CNIH4: variants seen among roughly 807,000 people sequenced by gnomAD.
CNIH4 encodes protein cornichon homolog 4.
A neutral mutation model predicts 21.5 loss-of-function variants in CNIH4; 9 were observed. That is an observed-to-expected ratio of 0.42 (90% CI 0.25 to 0.73). The LOEUF (loss-of-function observed/expected upper bound fraction) is 0.73. Among genes scored for constraint, CNIH4 ranks in the 30% least tolerant of loss-of-function variants. CNIH4 has a pLI of 0.27. For missense variants in CNIH4, 159 were observed against 170.0 expected (o/e 0.94, Z 0.36); for synonymous variants, 67 against 59.1 (o/e 1.13, Z -0.61).
chr1:224,361,472 C>G (rs1215579249), intron 2 of CNIH4, among the ~76,000 whole-genome samples: 2 of 151,768 alleles, frequency 1.3e-5, no homozygotes, highest in Non-Finnish European at 2.9e-5. Flanking sequence ...GTGATCTAGA[C>G]TGGCTTTGAA....
chr1:224,376,849 C>A lies in CNIH4; in HGVS notation c.*1027C>A, dbSNP rs900302225. 2.0e-6 allele frequency: 2 copies of A among 985,308 alleles called. No individual in the cohort carries two copies. Among genetic ancestry groups the A allele is most frequent in the Non-Finnish European group, 2.4e-6 (2 of 829,936 alleles). The allele number at this position is 985,308 out of a possible 1,614,324, so 61.0% of individuals were successfully genotyped here. The stretch of plus-strand genomic sequence containing the variant: ...ACCTCCTTAGCTCTGTTTGCCAGCT[C>A]TTACAGGGTAAAATAAACCTGGCAA... On this transcript the variant is annotated 3_prime_UTR_variant, in exon 5 of 5. Coordinates refer to ENST00000465271, the MANE Select transcript of CNIH4 (RefSeq NM_014184.4).
At chr1:224,370,137 G>C (rs1038692661) in intron 3 of CNIH4, among the ~76,000 whole-genome samples, 3 of 151,946 alleles carry the variant, frequency 2.0e-5, no homozygotes, top group African/African-American at 7.3e-5. Context: ...AGAAAGACTG[G>C]ACAAGGGTTT....
intron 4 of CNIH4, among the ~76,000 whole-genome samples, chr1:224,371,759 A>G (rs940109717): frequency 5.9e-5 from 9 of 152,122 alleles, no homozygotes; most frequent in African/African-American, 2.2e-4. Context: ...CCTGACCAAC[A>G]TGGAGAAACA....
rs1275496558 is a variant in CNIH4, at chr1:224,377,748, G to C, written c.*1926G>C. The C allele has an allele frequency of 6.6e-6, 1 of 152,208 alleles. No individual in the cohort carries two copies. Among genetic ancestry groups the C allele is most frequent in the Admixed American group, 6.5e-5 (1 of 15,270 alleles). The allele number at this position is 152,208 out of a possible 1,614,324, so 9.4% of individuals were successfully genotyped here. Reference sequence around the variant, plus strand: ...GCCTGCCTTGGTCTCCCAAAGTGCTGGGATTATAGGTGTGAGCCACTGCGC... The same window carrying C: ...GCCTGCCTTGGTCTCCCAAAGTGCTCGGATTATAGGTGTGAGCCACTGCGC... On this transcript the variant is annotated 3_prime_UTR_variant, in exon 5 of 5. Transcript: ENST00000465271.
intron 1 of CNIH4, among the ~76,000 whole-genome samples, chr1:224,359,538 A>G (rs755829604): frequency 1.3e-5 from 2 of 152,202 alleles, no homozygotes; most frequent in African/African-American, 4.8e-5. Context: ...AGGAAGATCA[A>G]TCTGTGGAGA....
At chr1:224,364,625 A>G (rs946433340) in intron 2 of CNIH4, among the ~76,000 whole-genome samples, 9 of 152,152 alleles carry the variant, frequency 5.9e-5, no homozygotes, top group Non-Finnish European at 1.3e-4. Context: ...ACTTTCCAAT[A>G]TGTAATAGCA....
chr1:224,364,257 A>G (rs1277445159), intron 2 of CNIH4: 23 of 985,124 alleles, frequency 2.3e-5, no homozygotes, highest in Non-Finnish European at 2.7e-5. Context: ...AAAAAGAAAC[A>G]TGTTTCAGGT....
At chr1:224,362,907 C>T (rs912633877) in intron 2 of CNIH4, among the ~76,000 whole-genome samples, 1 of 152,116 alleles carries the variant, frequency 6.6e-6, no homozygotes, top group Non-Finnish European at 1.5e-5. Context: ...CCTTCTCTTC[C>T]TACAACATCC....
intron 4 of CNIH4, among the ~76,000 whole-genome samples, chr1:224,374,542 G>A (rs1013925082): frequency 9.2e-5 from 14 of 152,014 alleles, no homozygotes; most frequent in Non-Finnish European, 4.4e-5. Flanking sequence ...AGCCTCCCGT[G>A]TAGCTGGGAT....
intron 3 of CNIH4, among the ~76,000 whole-genome samples, chr1:224,367,922 A>G (rs941777912): frequency 2.6e-5 from 4 of 152,210 alleles, no homozygotes; most frequent in Non-Finnish European, 5.9e-5. Flanking sequence ...TTAATGTTAT[A>G]CCAGACCATA....
chr1:224,373,446 T>C (rs1672690513), intron 4 of CNIH4, among the ~76,000 whole-genome samples: 1 of 152,176 alleles, frequency 6.6e-6, no homozygotes, highest in Non-Finnish European at 1.5e-5. Flanking sequence ...AGAGTAAATT[T>C]AGGCTTGGAG....
At position 224,371,327 on chromosome 1, in the gene CNIH4, C is replaced by A; in HGVS notation, c.296C>A (p.Thr99Lys). The change falls in exon 4 of 5, where the codon ACA becomes AAA. Residue 99 changes from threonine (T) to lysine (K), a missense_variant. By Grantham distance (78) the Thr-to-Lys change is moderately conservative. Coordinates refer to ENST00000465271, the MANE Select transcript of CNIH4 (RefSeq NM_014184.4). ...GGTAACATGGGAGTGTTTGATCCAA[C>A]AGAAATACACAATCGAGGGCAGCTG... ...PSGNMGVFDP[T>K]EIHNRGQLKS... 6.2e-7 allele frequency: 1 copy of A among 1,613,996 alleles called. No individual in the cohort carries two copies. The highest frequency in any genetic ancestry group is 1.3e-5 in the African/African-American group (1 of 75,016).
chr1:224,358,644 ATTC>A (rs555031997), intron 1 of CNIH4, among the ~76,000 whole-genome samples: 8 of 152,298 alleles, frequency 5.3e-5, no homozygotes, highest in Admixed American at 2.6e-4. Flanking sequence ...GCCCAAGGCA[ATTC>A]TTCTTCCAGT....
chr1:224,364,910 C>T (rs559291521), intron 2 of CNIH4, among the ~76,000 whole-genome samples: 1 of 148,608 alleles, frequency 6.7e-6, no homozygotes, highest in South Asian at 2.1e-4. Flanking sequence ...TCCAGCCTGG[C>T]GACAGAGCGA....
At chr1:224,357,132 G>A (rs1672138673) in intron 1 of CNIH4, 139 bp downstream of exon 1, 1 of 952,266 alleles carries the variant, frequency 1.1e-6, no homozygotes, top group Admixed American at 2.4e-5. Flanking sequence ...GCCTGGCCGG[G>A]GCGGTGGCGC....
At position 224,379,326 on chromosome 1, in the gene CNIH4, CTT is replaced by C; in HGVS notation, c.*3505_*3506del. The stretch of plus-strand genomic sequence containing the variant: ...AGTTATTTGTATGCAATTAATCACT[CTT>C]AGATTGTATGTTCCTGGAGGGCAGA... On this transcript the variant is annotated 3_prime_UTR_variant, in exon 5 of 5. Transcript: ENST00000465271. 1.8e-6 allele frequency: 1 copy of C among 557,018 alleles called. No homozygotes were observed. 34.5% of individuals were successfully genotyped at this position (557,018 alleles called of 1,614,324 possible). A position where few individuals can be genotyped will look rare whatever the true frequency, so the allele number is the denominator to read the frequency against.
intron 2 of CNIH4, among the ~76,000 whole-genome samples, chr1:224,361,114 AT>A (rs34687621): frequency 1.7e-3 from 220 of 128,918 alleles, no homozygotes; most frequent in East Asian, 7.9e-3. Context: ...TGCCTGGCTA[AT>A]TTTTTTTTTT....
chr1:224,360,214 A>ATT (rs61520460), intron 1 of CNIH4, among the ~76,000 whole-genome samples: 11,191 of 140,930 alleles, frequency 0.079, 1,325 homozygotes, highest in African/African-American at 0.26. Context: ...GATATTTCCC[A>ATT]TTTTTTTTTT....
intron 3 of CNIH4, among the ~76,000 whole-genome samples, chr1:224,366,829 G>T (rs1363252618): frequency 1.3e-5 from 2 of 151,908 alleles, no homozygotes; most frequent in African/African-American, 4.8e-5. Flanking sequence ...CAGGCATGGT[G>T]GCGTGCACCT....
Sources: gnomAD v4.1 joint callset for allele counts (sites outside exome capture counted in the v4.1 genomes callset) on GRCh38, gnomAD v4.1.1 for gene constraint, MANE v1.5 for transcripts, NCBI Gene and HGNC (gene_info 2026-07-23, HGNC 2026-07-21) for gene names.